The following ANKAR variants were observed in gnomAD, a reference collection of about 807,000 sequenced individuals.
ANKAR encodes ankyrin and armadillo repeat containing.
A neutral mutation model predicts 146.2 loss-of-function variants in ANKAR; 136 were observed. The observed-to-expected ratio is 0.93, with a 90% CI of 0.81 to 1.07. ANKAR has a LOEUF of 1.07. ANKAR is among the 50% of genes least tolerant of loss of function. The pLI is 0.00. For missense variants in ANKAR, 1,567 were observed against 1,679.9 expected (o/e 0.93, Z 1.18); for synonymous variants, 500 against 575.8 (o/e 0.87, Z 1.88).
intron 1 of ANKAR, among the ~76,000 whole-genome samples, chr2:189,676,205 T>TA (rs981450031): frequency 6.6e-6 from 1 of 152,236 alleles, no homozygotes; most frequent in Non-Finnish European, 1.5e-5. Flanking sequence ...CTTTTTGACA[T>TA]ACATCTTCTT....
chr2:189,744,826 G>A (rs750338688), intron 22 of ANKAR, 38 bp downstream of exon 22: 7 of 1,435,626 alleles, frequency 4.9e-6, no homozygotes, highest in Non-Finnish European at 6.8e-6. Flanking sequence ...GTACCTTCTA[G>A]CCCAGACACT....
intron 1 of ANKAR, among the ~76,000 whole-genome samples, chr2:189,675,548 A>C (rs2033458043): frequency 6.6e-6 from 1 of 152,004 alleles, no homozygotes; most frequent in South Asian, 2.1e-4. Flanking sequence ...GAGTTTCTCC[A>C]TGTTTGTCAG....
At chr2:189,705,246 T>C in intron 8 of ANKAR, 22 bp downstream of exon 8, 1 of 1,609,306 alleles carries the variant, frequency 6.2e-7, no homozygotes. Context: ...AGCATTTATA[T>C]CAGGTTGAGG....
At position 189,689,938 on chromosome 2, in the gene ANKAR, TAA is replaced by T; in HGVS notation, c.1014_1015del (p.Ser339Ter). 1 of 1,528,942 alleles carries T rather than the reference TAA, an allele frequency of 6.5e-7. No homozygotes were observed. Among genetic ancestry groups the T allele is most frequent in the Non-Finnish European group, 8.7e-7 (1 of 1,146,252 alleles). 94.7% of individuals were successfully genotyped at this position (1,528,942 alleles called of 1,614,324 possible). A position where few individuals can be genotyped will look rare whatever the true frequency, so the allele number is the denominator to read the frequency against. On this transcript the variant is annotated frameshift_variant, in exon 3 of 23. Coordinates refer to ENST00000684021, the MANE Select transcript of ANKAR (RefSeq NM_001378068.1). LOFTEE classifies it high-confidence loss of function. ...AAGAAGAAAATGAAAGTTCCATATTTAAGTAGTCTGCTTCAGCCTTTTTCAGG... is the reference window on the plus strand; with the variant it reads ...AAGAAGAAAATGAAAGTTCCATATTTGTAGTCTGCTTCAGCCTTTTTCAGG...
At chr2:189,704,555 AT>A (rs2038591173) in intron 7 of ANKAR, among the ~76,000 whole-genome samples, 2 of 47,468 alleles carry the variant, frequency 4.2e-5, no homozygotes, top group Non-Finnish European at 8.0e-5. Context: ...ATATATATAT[AT>A]ATATATATAT....
downstream of ANKAR, among the ~76,000 whole-genome samples, chr2:189,749,706 A>T (rs547134167): frequency 1.3e-5 from 2 of 152,334 alleles, no homozygotes; most frequent in East Asian, 1.9e-4. Flanking sequence ...TATAGATTTT[A>T]AAAAATGCAT....
Position 189,694,495 on chromosome 2 carries a change from G to A in ANKAR, c.1308-486G>A, listed in dbSNP as rs75613361. 2.6e-3 allele frequency among the ~76,000 whole-genome samples: 403 copies of A among 152,288 alleles called. 1 individual carries two copies. The highest frequency in any genetic ancestry group is 9.1e-3 in the African/African-American group (380 of 41,562). ...TTCCAGAATGATAGGGATCAGGGCT[G>A]TTTCAAGCCCCACCTATGTTCCAGG... On this transcript the variant is annotated intron_variant, in intron 5 of 22. Coordinates refer to ENST00000684021, the MANE Select transcript of ANKAR (RefSeq NM_001378068.1).
chr2:189,736,917 A>G (rs914971021), intron 17 of ANKAR, among the ~76,000 whole-genome samples: 2 of 151,786 alleles, frequency 1.3e-5, no homozygotes, highest in African/African-American at 4.8e-5. Flanking sequence ...TACAAAAAAT[A>G]CAGAAAATTA....
intron 7 of ANKAR, among the ~76,000 whole-genome samples, chr2:189,703,631 A>G (rs2038407976): frequency 6.6e-6 from 1 of 152,188 alleles, no homozygotes; most frequent in Non-Finnish European, 1.5e-5. Flanking sequence ...TGGAGTCATC[A>G]AGTTGTATAT....
intron 2 of ANKAR, among the ~76,000 whole-genome samples, chr2:189,683,891 T>A (rs1331572969): frequency 6.6e-6 from 1 of 152,214 alleles, no homozygotes; most frequent in Non-Finnish European, 1.5e-5. Flanking sequence ...CTTGGCCAAG[T>A]TAACCTTTAT....
chr2:189,693,147 C>G lies in ANKAR; in HGVS notation c.1277C>G (p.Ser426Ter), dbSNP rs1275876806. 6.4e-7 allele frequency: 1 copy of G among 1,556,176 alleles called. No individual in the cohort carries two copies. Residue 426 changes from serine to a stop codon, truncating the protein, a stop_gained, in exon 5 of 23, where the codon TCA becomes TGA. Coordinates refer to ENST00000684021, the MANE Select transcript of ANKAR (RefSeq NM_001378068.1). LOFTEE classifies it high-confidence loss of function. ...IEDSGYKEYY[S>*]IPVMEFHGKS... ...GATTCAGGATATAAAGAATATTACTCAATACCAGTCATGGAATTTCATGGA... is the reference window on the plus strand; with the variant it reads ...GATTCAGGATATAAAGAATATTACTGAATACCAGTCATGGAATTTCATGGA...
intron 17 of ANKAR, among the ~76,000 whole-genome samples, chr2:189,737,073 CAA>C (rs367906093): frequency 1.1e-5 from 1 of 94,652 alleles, no homozygotes; most frequent in Admixed American, 1.2e-4. Flanking sequence ...GACTTTGTCT[CAA>C]AAAAAAAAAG....
In ANKAR at chr2:189,724,677, G is replaced by A. The variant is rs578166622; in HGVS notation, c.2636-3179G>A. On this transcript the variant is annotated intron_variant, in intron 12 of 22. Transcript: ENST00000684021. ...TATTTTTGACATAAATTGATATAAA[G>A]TGGGTATAGAAGTTGGTATGAACAA... Among the ~76,000 whole-genome samples the A allele has an allele frequency of 1.2e-4, 19 of 152,232 alleles. No individual in the cohort carries two copies. The South Asian group carries it at 1.7e-3, about 13-fold the overall frequency.
chr2:189,724,476 C>G (rs2041646593), intron 12 of ANKAR, among the ~76,000 whole-genome samples: 1 of 152,066 alleles, frequency 6.6e-6, no homozygotes, highest in African/African-American at 2.4e-5. Flanking sequence ...TTGCTTTGTT[C>G]TTTACTCTGG....
chr2:189,734,347 G>C (rs1266225198), intron 17 of ANKAR, among the ~76,000 whole-genome samples: 1 of 151,970 alleles, frequency 6.6e-6, no homozygotes, highest in Non-Finnish European at 1.5e-5. Context: ...TTGCCTAAGG[G>C]CAATTAAAAA....
At chr2:189,695,919 T>A (rs72903404) in intron 6 of ANKAR, among the ~76,000 whole-genome samples, 2,458 of 152,042 alleles carry the variant, frequency 0.016, 31 homozygotes, top group Middle Eastern at 0.027. Flanking sequence ...TAGAAAAAAA[T>A]TAATAATAAA....
intron 7 of ANKAR, among the ~76,000 whole-genome samples, chr2:189,704,702 T>A (rs2038678110): frequency 6.7e-6 from 1 of 148,708 alleles, no homozygotes; most frequent in Non-Finnish European, 1.5e-5. Flanking sequence ...TGACTTAAAT[T>A]TTCAAATACT....
chr2:189,739,913 T>C (rs1415795284), intron 19 of ANKAR, among the ~76,000 whole-genome samples: 3 of 152,174 alleles, frequency 2.0e-5, no homozygotes, highest in African/African-American at 7.2e-5. Context: ...CTTTCAAATA[T>C]TAAATTAATT....
chr2:189,714,381 T>C (rs1204940228), intron 10 of ANKAR, among the ~76,000 whole-genome samples: 2 of 152,060 alleles, frequency 1.3e-5, no homozygotes, highest in African/African-American at 4.8e-5. Flanking sequence ...CCTCAGCAAA[T>C]GTAAAAGAAA....
Sources: gnomAD v4.1 joint callset for allele counts (sites outside exome capture counted in the v4.1 genomes callset) on GRCh38, gnomAD v4.1.1 for gene constraint, MANE v1.5 for transcripts, NCBI Gene and HGNC (gene_info 2026-07-23, HGNC 2026-07-21) for gene names.